SRD5A2: variants seen among roughly 807,000 people sequenced by gnomAD.
SRD5A2 encodes 3-oxo-5-alpha-steroid 4-dehydrogenase 2.
SRD5A2 carries 30 observed loss-of-function variants against 27.4 expected under a neutral mutation model. The observed-to-expected ratio is 1.10, with a 90% CI of 0.82 to 1.49. The LOEUF (loss-of-function observed/expected upper bound fraction) is 1.49. Among genes scored for constraint, SRD5A2 ranks in the 40% most tolerant of loss-of-function variants. The pLI is 0.00. For missense variants in SRD5A2, 348 were observed against 323.4 expected (o/e 1.08, Z -0.58); for synonymous variants, 141 against 133.6 (o/e 1.06, Z -0.38).
intron 1 of SRD5A2, among the ~76,000 whole-genome samples, chr2:31,535,557 G>A (rs959655643): frequency 2.0e-5 from 3 of 152,118 alleles, no homozygotes; most frequent in African/African-American, 7.2e-5. Flanking sequence ...AAGCTGAAGG[G>A]GAAAGAAAGG....
chr2:31,627,199 G>C, the SRD5A2 span, among the ~76,000 whole-genome samples: 7 of 152,040 alleles, frequency 4.6e-5, no homozygotes, highest in African/African-American at 1.7e-4. Flanking sequence ...GGGATCAGTG[G>C]TGATATCCTC....
chr2:31,640,556 G>A, the SRD5A2 span, among the ~76,000 whole-genome samples: 1 of 152,046 alleles, frequency 6.6e-6, no homozygotes, highest in African/African-American at 2.4e-5. Context: ...AGTTCCTTAA[G>A]CTCACATTTG....
chr2:31,574,650 A>G (rs1666919598), intron 1 of SRD5A2, among the ~76,000 whole-genome samples: 1 of 152,254 alleles, frequency 6.6e-6, no homozygotes, highest in African/African-American at 2.4e-5. Context: ...ATAAAAACTT[A>G]GAACCCAAGA....
the SRD5A2 span, among the ~76,000 whole-genome samples, chr2:31,604,590 C>T: frequency 1.3e-5 from 2 of 151,674 alleles, no homozygotes; most frequent in African/African-American, 4.8e-5. Flanking sequence ...TAGGAACTAA[C>T]TTAACCAAAG....
intron 3 of SRD5A2, among the ~76,000 whole-genome samples, chr2:31,529,728 A>C (rs1665864020): frequency 6.6e-6 from 1 of 152,150 alleles, no homozygotes; most frequent in Non-Finnish European, 1.5e-5. Context: ...CTGCTGGACC[A>C]CTAGCTTTGG....
At chr2:31,625,116 A>G in the SRD5A2 span, among the ~76,000 whole-genome samples, 1 of 152,124 alleles carries the variant, frequency 6.6e-6, no homozygotes, top group Admixed American at 6.5e-5. Flanking sequence ...ACCAGTGATG[A>G]TGAGCATTTT....
chr2:31,550,790 C>A (rs781762380), intron 1 of SRD5A2, among the ~76,000 whole-genome samples: 32 of 152,048 alleles, frequency 2.1e-4, no homozygotes, highest in Non-Finnish European at 3.5e-4. Flanking sequence ...CAGTCAGTAA[C>A]TGAATGTTTT....
At chr2:31,627,290 T>C in the SRD5A2 span, among the ~76,000 whole-genome samples, 1 of 152,106 alleles carries the variant, frequency 6.6e-6, no homozygotes, top group Non-Finnish European at 1.5e-5. Flanking sequence ...GTTTTGTATT[T>C]CTGTGGGTTC....
chr2:31,532,361 TCACA>T (rs35752905), intron 2 of SRD5A2, among the ~76,000 whole-genome samples: 9,070 of 143,634 alleles, frequency 0.063, 352 homozygotes, highest in African/African-American at 0.12. Context: ...CACTGCCAGT[TCACA>T]CACACACACA....
the SRD5A2 span, among the ~76,000 whole-genome samples, chr2:31,619,087 G>T: frequency 6.6e-6 from 1 of 152,070 alleles, no homozygotes; most frequent in Non-Finnish European, 1.5e-5. Context: ...GTCACTAAGG[G>T]AATGCAAATC....
intron 1 of SRD5A2, among the ~76,000 whole-genome samples, chr2:31,546,816 G>C (rs1572639465): frequency 1.3e-5 from 2 of 152,092 alleles, no homozygotes; most frequent in South Asian, 4.2e-4. Flanking sequence ...ATAAAAATAG[G>C]CTGGGCACAG....
At chr2:31,570,136 A>G (rs1281650245) in intron 1 of SRD5A2, among the ~76,000 whole-genome samples, 1 of 152,058 alleles carries the variant, frequency 6.6e-6, no homozygotes, top group Non-Finnish European at 1.5e-5. Flanking sequence ...CTAACAAAAC[A>G]CTGGCAAACT....
At chr2:31,594,520 T>G in the SRD5A2 span, among the ~76,000 whole-genome samples, 3 of 152,294 alleles carry the variant, frequency 2.0e-5, no homozygotes, top group African/African-American at 7.2e-5. Context: ...TAATTATATA[T>G]GCACCTAACA....
chr2:31,577,417 A>G (rs1245456010), intron 1 of SRD5A2, among the ~76,000 whole-genome samples: 2 of 152,174 alleles, frequency 1.3e-5, no homozygotes. Context: ...GAGTTCATTC[A>G]TGCATTCAAC....
the SRD5A2 span, among the ~76,000 whole-genome samples, chr2:31,653,902 G>A: frequency 1.3e-5 from 2 of 152,106 alleles, no homozygotes; most frequent in Non-Finnish European, 2.9e-5. Context: ...CAGGTGATCT[G>A]CCCGCCTCGG....
At chr2:31,640,573 C>A in the SRD5A2 span, among the ~76,000 whole-genome samples, 149 of 152,250 alleles carry the variant, frequency 9.8e-4, 3 homozygotes, top group South Asian at 0.03. Flanking sequence ...TTTGCCACGG[C>A]TCTATTAAAT....
At chr2:31,547,647 C>G (rs1666289193) in intron 1 of SRD5A2, among the ~76,000 whole-genome samples, 1 of 152,204 alleles carries the variant, frequency 6.6e-6, no homozygotes, top group Non-Finnish European at 1.5e-5. Flanking sequence ...CTTGCACCAG[C>G]AATTCTCCAG....
intron 1 of SRD5A2, among the ~76,000 whole-genome samples, chr2:31,550,397 CA>C (rs76664522): frequency 0.036 from 4,750 of 133,284 alleles, 219 homozygotes; most frequent in African/African-American, 0.11. Context: ...TACCCTAATC[CA>C]AAAAAAAAAA....
intron 1 of SRD5A2, among the ~76,000 whole-genome samples, chr2:31,546,383 A>G (rs1245968990): frequency 6.6e-6 from 1 of 152,232 alleles, no homozygotes; most frequent in African/African-American, 2.4e-5. Context: ...AAGACATGCA[A>G]TCTACCTAGA....
Sources: gnomAD v4.1 joint callset for allele counts (sites outside exome capture counted in the v4.1 genomes callset) on GRCh38, gnomAD v4.1.1 for gene constraint, MANE v1.5 for transcripts, NCBI Gene and HGNC (gene_info 2026-07-23, HGNC 2026-07-21) for gene names.